EDIL3: variants seen among roughly 807,000 people sequenced by gnomAD.
EDIL3 encodes the protein EGF-like repeat and discoidin I-like domain-containing protein 3.
EDIL3 carries 37 observed loss-of-function variants against 67.4 expected under a neutral mutation model. The observed-to-expected ratio is 0.55, with a 90% CI of 0.42 to 0.72. The LOEUF is 0.72. Among genes scored for constraint, EDIL3 ranks in the 30% least tolerant of loss-of-function variants. The pLI is 0.00. For synonymous variants in EDIL3, 195 were observed against 196.3 expected (o/e 0.99, Z 0.05); for missense variants, 527 against 586.3 (o/e 0.90, Z 1.04).
intron 1 of EDIL3, among the ~76,000 whole-genome samples, chr5:84,270,794 G>C (rs745590308): frequency 6.6e-6 from 1 of 151,942 alleles, no homozygotes; most frequent in Non-Finnish European, 1.5e-5. Context: ...CTTATTCTCC[G>C]ACCTAGAGCC....
chr5:84,002,625 T>A (rs934826755), intron 9 of EDIL3, among the ~76,000 whole-genome samples: 2 of 152,236 alleles, frequency 1.3e-5, no homozygotes, highest in African/African-American at 4.8e-5. Flanking sequence ...TCAGTTGCAT[T>A]TCTATATGCC....
intron 5 of EDIL3, among the ~76,000 whole-genome samples, chr5:84,132,381 A>ATT (rs1561440573): frequency 1.3e-3 from 19 of 15,034 alleles, no homozygotes; most frequent in South Asian, 9.2e-3. Flanking sequence ...TATTATATAT[A>ATT]ATATATTTTA....
intron 9 of EDIL3, among the ~76,000 whole-genome samples, chr5:84,053,512 A>T (rs1229742675): frequency 6.6e-6 from 1 of 152,176 alleles, no homozygotes; most frequent in Non-Finnish European, 1.5e-5. Context: ...AAATCAATGA[A>T]TCCAGGAGCT....
At chr5:83,963,121 A>T in intron 10 of EDIL3, 84 bp downstream of exon 10, 4 of 1,437,808 alleles carry the variant, frequency 2.8e-6, no homozygotes, top group Non-Finnish European at 3.7e-6. Context: ...TTCAGTACAG[A>T]TGTATAAGCA....
At chr5:84,154,709 T>C (rs2112333352) in intron 4 of EDIL3, among the ~76,000 whole-genome samples, 1 of 148,258 alleles carries the variant, frequency 6.7e-6, no homozygotes, top group South Asian at 2.2e-4. Flanking sequence ...TTTTTTTTTT[T>C]TTTTTTTAAA....
intron 9 of EDIL3, among the ~76,000 whole-genome samples, chr5:84,049,154 T>C (rs1240603130): frequency 6.6e-6 from 1 of 152,204 alleles, no homozygotes; most frequent in Non-Finnish European, 1.5e-5. Flanking sequence ...GCTACCTAGA[T>C]ATAGACATTT....
chr5:84,112,017 A>T (rs1401587748), intron 5 of EDIL3, among the ~76,000 whole-genome samples: 2 of 152,076 alleles, frequency 1.3e-5, no homozygotes, highest in Non-Finnish European at 2.9e-5. Flanking sequence ...TGCTATGATG[A>T]GGGAATTAGA....
intron 10 of EDIL3, among the ~76,000 whole-genome samples, chr5:83,960,289 T>C (rs866694277): frequency 2.0e-5 from 3 of 151,206 alleles, no homozygotes; most frequent in Admixed American, 1.3e-4. Context: ...GTGTGCTTTA[T>C]GGTCTCACAG....
At chr5:83,999,514 G>C (rs957408390) in intron 9 of EDIL3, among the ~76,000 whole-genome samples, 1 of 152,076 alleles carries the variant, frequency 6.6e-6, no homozygotes, top group Non-Finnish European at 1.5e-5. Flanking sequence ...GAATGCATCA[G>C]AGTTTTTTAG....
chr5:83,994,380 CT>C (rs34951042), intron 9 of EDIL3, among the ~76,000 whole-genome samples: 88,856 of 143,706 alleles, frequency 0.62, 27,828 homozygotes, highest in East Asian at 0.77. Flanking sequence ...TTTCACAAGG[CT>C]TTTTTTTTTT....
At chr5:84,138,622 GA>G (rs1362512058) in intron 4 of EDIL3, among the ~76,000 whole-genome samples, 1 of 151,934 alleles carries the variant, frequency 6.6e-6, no homozygotes, top group Non-Finnish European at 1.5e-5. Flanking sequence ...AGGAAACAAG[GA>G]AAAAAGTATT....
chr5:84,276,531 C>G (rs1403786766), intron 1 of EDIL3, among the ~76,000 whole-genome samples: 2 of 151,870 alleles, frequency 1.3e-5, no homozygotes, highest in Non-Finnish European at 2.9e-5. Flanking sequence ...TTTAGATTAC[C>G]AATGTCTTTA....
chr5:84,057,417 T>A (rs568679899), intron 9 of EDIL3, among the ~76,000 whole-genome samples: 54 of 150,330 alleles, frequency 3.6e-4, no homozygotes, highest in Admixed American at 9.3e-4. Flanking sequence ...TAGTTTGCCT[T>A]ATTCCACACA....
intron 10 of EDIL3, among the ~76,000 whole-genome samples, chr5:83,957,128 C>G (rs575069036): frequency 5.3e-5 from 8 of 151,800 alleles, no homozygotes; most frequent in Non-Finnish European, 1.5e-5. Context: ...TTCCTTCCTT[C>G]TCTGCCTTAT....
At chr5:84,274,580 T>C (rs1414446101) in intron 1 of EDIL3, among the ~76,000 whole-genome samples, 1 of 152,210 alleles carries the variant, frequency 6.6e-6, no homozygotes, top group African/African-American at 2.4e-5. Flanking sequence ...TGAAATCTAT[T>C]TTAAGGATAT....
At chr5:84,082,779 T>C (rs2112259907) in intron 6 of EDIL3, among the ~76,000 whole-genome samples, 1 of 151,242 alleles carries the variant, frequency 6.6e-6, no homozygotes, top group East Asian at 2.0e-4. Context: ...TGTGTATCAA[T>C]AAACTAAATA....
intron 10 of EDIL3, among the ~76,000 whole-genome samples, chr5:83,944,536 A>G (rs1379526545): frequency 6.6e-6 from 1 of 151,754 alleles, no homozygotes; most frequent in Non-Finnish European, 1.5e-5. Context: ...TAGGAATGGC[A>G]TTAAATTATA....
intron 1 of EDIL3, among the ~76,000 whole-genome samples, chr5:84,291,904 T>A (rs2112119638): frequency 6.6e-6 from 1 of 151,102 alleles, no homozygotes; most frequent in African/African-American, 2.4e-5. Context: ...GCAGACAATA[T>A]ACAGAGCATC....
In EDIL3 at chr5:83,943,502, G is replaced by T; in HGVS notation, c.1360C>A (p.Arg454=). 2 of 1,612,662 alleles carry T rather than the reference G, an allele frequency of 1.2e-6. No homozygotes were observed. Among genetic ancestry groups the T allele is most frequent in the East Asian group, 4.5e-5 (2 of 44,702 alleles). ...KNVIDPPIYA[R]HIRILPWSWY... ...GACCAAGGAAGGATTCTTATGTGTC[G>T]TGCATAGATGGGAGGGTCGATGACA... The change falls in exon 11 of 11, where the codon CGA becomes AGA. Residue 454 remains arginine, a synonymous_variant. Transcript: ENST00000296591.
Sources: gnomAD v4.1 joint callset for allele counts (sites outside exome capture counted in the v4.1 genomes callset) on GRCh38, gnomAD v4.1.1 for gene constraint, MANE v1.5 for transcripts, NCBI Gene and HGNC (gene_info 2026-07-23, HGNC 2026-07-21) for gene names.